SNRPN: variants seen among roughly 807,000 people sequenced by gnomAD.
The protein encoded by SNRPN is small nuclear ribonucleoprotein polypeptide N, also known as small nuclear ribonucleoprotein-associated protein N.
In SNRPN, 7 loss-of-function variants were observed where a neutral mutation model predicts 25.2. That is an observed-to-expected ratio of 0.28 (90% CI 0.16 to 0.52). The LOEUF (loss-of-function observed/expected upper bound fraction) is 0.52. Among genes scored for constraint, SNRPN ranks in the 20% least tolerant of loss-of-function variants. The pLI is 0.96. For synonymous variants in SNRPN, 124 were observed against 110.6 expected (o/e 1.12, Z -0.76); for missense variants, 196 against 322.5 (o/e 0.61, Z 3.00).
chr15:24,911,251 G>A (rs988968802), intron 2 of SNRPN: 5 of 427,514 alleles, frequency 1.2e-5, no homozygotes, highest in Admixed American at 4.1e-5. Flanking sequence ...ATAAGTTCAG[G>A]AGACAAAACC....
At chr15:24,895,518 G>T (rs2058034741) in intron 2 of SNRPN, among the ~76,000 whole-genome samples, 1 of 151,832 alleles carries the variant, frequency 6.6e-6, no homozygotes, top group Admixed American at 6.6e-5. Flanking sequence ...GTCAAAAAGA[G>T]AATTGAAATT....
intron 2 of SNRPN, among the ~76,000 whole-genome samples, chr15:24,839,104 G>A (rs999540879): frequency 9.2e-5 from 14 of 152,018 alleles, no homozygotes; most frequent in African/African-American, 3.4e-4. Flanking sequence ...ATGTGCTGCA[G>A]TGCCCCATTT....
chr15:24,862,688 G>A lies in SNRPN; in HGVS notation c.-579+5972G>A, dbSNP rs575070226. Among the ~76,000 whole-genome samples the A allele has an allele frequency of 5.9e-4, 89 of 151,240 alleles. 5 individuals carry two copies. Among genetic ancestry groups the A allele is most frequent in the African/African-American group, 2.1e-3 (84 of 40,598 alleles). On this transcript the variant is annotated intron_variant, in intron 1 of 11. Transcript: ENST00000400097. ...AAACTTAACAGAAACTAAACTGCAA[G>A]TGCAAGAGCTGCCCTTAGGAACTCA...
rs185861010 is a variant in SNRPN, at chr15:24,877,443, A to G, written c.-578-9073A>G. 2.2e-4 allele frequency among the ~76,000 whole-genome samples: 34 copies of G among 152,378 alleles called. No homozygotes were observed. The East Asian group carries it at 6.4e-3, about 28-fold the overall frequency. On this transcript the variant is annotated intron_variant, in intron 1 of 11. Transcript: ENST00000400097. ...AAGTACAGAAAAAAAGGTGGGGTCC[A>G]GGAACCAAGAATGACTGCTGATTTG...
intron 1 of SNRPN, among the ~76,000 whole-genome samples, chr15:24,865,151 A>T (rs996634625): frequency 1.3e-5 from 2 of 150,938 alleles, no homozygotes; most frequent in African/African-American, 4.9e-5. Context: ...GGTTCAAGCG[A>T]TTCACCTGCC....
chr15:24,954,323 G>T (rs1035853265), upstream of SNRPN, among the ~76,000 whole-genome samples: 1 of 152,054 alleles, frequency 6.6e-6, no homozygotes, highest in South Asian at 2.1e-4. Flanking sequence ...ATCTTAGGTG[G>T]GGGTCTAAGT....
intron 1 of SNRPN, among the ~76,000 whole-genome samples, chr15:24,960,148 C>A (rs2074536834): frequency 6.6e-6 from 1 of 151,562 alleles, no homozygotes; most frequent in Admixed American, 6.6e-5. Context: ...GCCTGTAATC[C>A]CAGCTACTTT....
intron 2 of SNRPN, among the ~76,000 whole-genome samples, chr15:24,897,534 A>ATGATC (rs1337057787): frequency 2.6e-5 from 4 of 152,210 alleles, no homozygotes; most frequent in Non-Finnish European, 1.5e-5. Flanking sequence ...ACAGTGAGCT[A>ATGATC]TGATCACACC....
At chr15:24,865,310 G>A (rs925481571) in intron 1 of SNRPN, among the ~76,000 whole-genome samples, 12 of 152,092 alleles carry the variant, frequency 7.9e-5, no homozygotes, top group Non-Finnish European at 1.6e-4. Flanking sequence ...GCCTCCCAAA[G>A]TGCTATGATT....
At chr15:24,855,515 C>A (rs766928205), upstream of SNRPN, among the ~76,000 whole-genome samples, 1 of 152,084 alleles carries the variant, frequency 6.6e-6, no homozygotes, top group Non-Finnish European at 1.5e-5. Context: ...TAGGGCCAGG[C>A]GCAGTGGCTC....
chr15:24,967,146 T>A (rs1466050313), intron 2 of SNRPN: 1 of 152,184 alleles, frequency 6.6e-6, no homozygotes, highest in Non-Finnish European at 1.5e-5. Context: ...CACAGGATAA[T>A]TTGAAAGTGA....
chr15:24,872,707 T>C (rs562263288), intron 1 of SNRPN, among the ~76,000 whole-genome samples: 1 of 98,906 alleles, frequency 1.0e-5, no homozygotes, highest in Admixed American at 1.2e-4. Flanking sequence ...GATCCCACCA[T>C]TACACTCCAG....
Position 24,908,052 on chromosome 15 carries a change from C to CAAA in SNRPN, c.-504-11935_-504-11933dup, listed in dbSNP as rs71127014. On this transcript the variant is annotated intron_variant, in intron 2 of 11. Coordinates refer to the SNRPN transcript ENST00000400097. Reference sequence around the variant, plus strand: ...TGGGCAACAGAGCTAGACTCCATCTCAAAAAAAAAAAAAAAAAAAAAAAAA... The same window carrying CAAA: ...TGGGCAACAGAGCTAGACTCCATCTCAAAAAAAAAAAAAAAAAAAAAAAAAAAA... Among the ~76,000 whole-genome samples, 15 of 70,712 alleles carry CAAA rather than the reference C, an allele frequency of 2.1e-4. 1 individual carries two copies. Among genetic ancestry groups the CAAA allele is most frequent in the East Asian group, 4.1e-4 (1 of 2,418 alleles). The allele number at this position is 70,712 out of a possible 152,430, so 46.4% of individuals were successfully genotyped here.
upstream of SNRPN, among the ~76,000 whole-genome samples, chr15:24,950,664 C>A (rs2062194959): frequency 6.7e-6 from 1 of 149,394 alleles, no homozygotes; most frequent in Non-Finnish European, 1.5e-5. Flanking sequence ...TCTCCTACCT[C>A]AGCCTCCCGA....
chr15:24,931,004 C>T lies in SNRPN; in HGVS notation c.-391+10880C>T, dbSNP rs147464922. ...CCTAGTGGGTGCAGTGAGCCAAGAT[C>T]ACACCACTGCACTCCAGCCTGGGCG... is the stretch of plus-strand genomic sequence containing the variant. On this transcript the variant is annotated intron_variant, in intron 3 of 11. Coordinates refer to the SNRPN transcript ENST00000400097. Among the ~76,000 whole-genome samples, 1,506 of 151,924 alleles carry T rather than the reference C, an allele frequency of 9.9e-3. 27 individuals carry two copies. The highest frequency in any genetic ancestry group is 0.034 in the African/African-American group (1,410 of 41,418).
chr15:24,922,957 G>A (rs917670008), intron 3 of SNRPN, among the ~76,000 whole-genome samples: 6 of 130,424 alleles, frequency 4.6e-5, no homozygotes, highest in Admixed American at 1.9e-4. Context: ...GCTGGATGGA[G>A]TGCAGTGGCG....
rs1388415585 is a variant in SNRPN at position 24,955,017 on chromosome 15, A to G, written c.-436A>G. 4 of 1,612,276 alleles carry G rather than the reference A, an allele frequency of 2.5e-6. No individual in the cohort carries two copies. The Admixed American group carries it at 6.7e-5, about 27-fold the overall frequency. ...GTGGAGCGGCCGCCGGAGATGCCTG[A>G]CGCATCTGTCTGAGGAGCGGTCAGT... On this transcript the variant is annotated 5_prime_UTR_variant, in exon 1 of 10. Transcript: ENST00000390687.
intron 2 of SNRPN, among the ~76,000 whole-genome samples, chr15:24,918,589 T>C (rs536715027): frequency 2.8e-4 from 27 of 95,798 alleles, no homozygotes; most frequent in Admixed American, 5.1e-4. Flanking sequence ...TATAACATAA[T>C]ATATATGTAT....
chr15:24,835,537 C>A (rs1248158116), intron 2 of SNRPN, among the ~76,000 whole-genome samples: 1 of 152,046 alleles, frequency 6.6e-6, no homozygotes, highest in Non-Finnish European at 1.5e-5. Context: ...GGAGGAGCAT[C>A]CTGATGTGTT....
Sources: gnomAD v4.1 joint callset for allele counts (sites outside exome capture counted in the v4.1 genomes callset) on GRCh38, gnomAD v4.1.1 for gene constraint, MANE v1.5 for transcripts, NCBI Gene and HGNC (gene_info 2026-07-23, HGNC 2026-07-21) for gene names.